Variants in ACYP2 observed in about 807,000 individuals in gnomAD.
ACYP2 encodes acylphosphatase-2.
ACYP2 carries 12 observed loss-of-function variants against 11.2 expected under a neutral mutation model. That is an observed-to-expected ratio of 1.08 (90% CI 0.69 to 1.74). The LOEUF (loss-of-function observed/expected upper bound fraction) is 1.74, where lower values mean the gene tolerates loss of function less well. ACYP2 is among the 40% of genes most tolerant of loss of function. The pLI is 0.00. For missense variants in ACYP2, 134 were observed against 101.9 expected (o/e 1.31, Z -1.35); for synonymous variants, 43 against 32.2 (o/e 1.33, Z -1.13).
At chr2:54,135,403 C>A in intron 4 of ACYP2, 50 bp from the exon 2 acceptor site, 1 of 1,578,948 alleles carries the variant, frequency 6.3e-7, no homozygotes, top group South Asian at 1.2e-5. Flanking sequence ...AACATATAAC[C>A]TTTTAAAGGA....
rs1349540673 is a variant in ACYP2 at position 54,197,928 on chromosome 2, TTTA to T, written c.404+59182_404+59184del. 7.6e-5 allele frequency among the ~76,000 whole-genome samples: 10 copies of T among 131,340 alleles called. No individual in the cohort carries two copies. The South Asian group carries it at 9.1e-4, about 12-fold the overall frequency. The allele number at this position is 131,340 out of a possible 152,430, so 86.2% of individuals were successfully genotyped here. ...TATTTTATTTTATTATTTTATTTTA[TTTA>T]TGTATGTATTATATTGTATTGTATT... On this transcript the variant is annotated intron_variant, in intron 6 of 6. Transcript: ENST00000607452.
At chr2:54,171,187 C>T (rs971742004) in intron 6 of ACYP2, among the ~76,000 whole-genome samples, 2 of 152,154 alleles carry the variant, frequency 1.3e-5, no homozygotes, top group Non-Finnish European at 2.9e-5. Flanking sequence ...CCGGAGTGCA[C>T]ATTCCCAAAG....
At chr2:54,061,383 G>A (rs1202754244) in intron 4 of ACYP2, among the ~76,000 whole-genome samples, 1 of 152,124 alleles carries the variant, frequency 6.6e-6, no homozygotes, top group African/African-American at 2.4e-5. Context: ...CTGCCCACCA[G>A]ACATCAGCCC....
At chr2:54,294,286 G>C (rs146221294) in intron 6 of ACYP2, among the ~76,000 whole-genome samples, 2 of 152,164 alleles carry the variant, frequency 1.3e-5, no homozygotes, top group African/African-American at 2.4e-5. Context: ...TGACTGACTT[G>C]AATTATTGAA....
At chr2:53,997,850 T>C (rs963988086) in intron 2 of ACYP2, among the ~76,000 whole-genome samples, 3 of 152,134 alleles carry the variant, frequency 2.0e-5, no homozygotes, top group African/African-American at 4.8e-5. Context: ...GAAAAAACAC[T>C]CCATGTGACT....
intron 6 of ACYP2, among the ~76,000 whole-genome samples, chr2:54,262,897 G>A (rs186937924): frequency 6.6e-6 from 1 of 152,204 alleles, no homozygotes; most frequent in East Asian, 1.9e-4. Flanking sequence ...AACGGTCTTT[G>A]AAGTAGGAGT....
chr2:54,259,192 C>T (rs1398219481), intron 6 of ACYP2, among the ~76,000 whole-genome samples: 3 of 152,182 alleles, frequency 2.0e-5, no homozygotes, highest in Non-Finnish European at 4.4e-5. Context: ...TGAGGAAGAT[C>T]TTTGCAGGAA....
intron 4 of ACYP2, among the ~76,000 whole-genome samples, chr2:54,125,446 A>C (rs1680433269): frequency 6.6e-6 from 1 of 152,184 alleles, no homozygotes; most frequent in Admixed American, 6.5e-5. Context: ...TCATTCAAAG[A>C]GTATTTAAAA....
intron 4 of ACYP2, among the ~76,000 whole-genome samples, chr2:54,074,901 C>G (rs1235003621): frequency 6.6e-6 from 1 of 152,100 alleles, no homozygotes; most frequent in Non-Finnish European, 1.5e-5. Context: ...ACTCAAAATC[C>G]ACTGATGTAA....
chr2:54,096,430 T>C lies in ACYP2; in HGVS notation c.278-39023T>C, dbSNP rs920920506. Among the ~76,000 whole-genome samples the C allele has an allele frequency of 4.6e-5, 7 of 151,396 alleles. No individual in the cohort carries two copies. The Middle Eastern group carries it at 0.01, about 221-fold the overall frequency. On this transcript the variant is annotated intron_variant, in intron 4 of 6. Coordinates refer to ENST00000607452, the MANE Select transcript of ACYP2 (RefSeq NM_001320586.2). ...GATGCTCCTCACTTCCCAGACGGGG[T>C]GGCGGCCTGGCAGAGGCTGTACTCT...
Position 54,138,710 on chromosome 2 carries a change from A to G in ACYP2, c.366A>G (p.Thr122=), listed in dbSNP as rs1681417780. ...AGAATACCAGCAAAGGCACCGTGAC[A>G]GGCCAAGTGCAGGGGCCAGAAGACA... Residue 122 remains threonine, a synonymous_variant, in exon 6 of 7, where the codon ACA becomes ACG. Coordinates refer to ENST00000607452, the MANE Select transcript of ACYP2 (RefSeq NM_001320586.2). 2.5e-6 allele frequency: 4 copies of G among 1,614,024 alleles called. No individual in the cohort carries two copies. The East Asian group carries it at 8.9e-5, about 36-fold the overall frequency.
chr2:53,995,416 A>G (rs1305311502), intron 2 of ACYP2, among the ~76,000 whole-genome samples: 1 of 152,030 alleles, frequency 6.6e-6, no homozygotes, highest in Non-Finnish European at 1.5e-5. Flanking sequence ...TGAAATAATT[A>G]AACTTAAAAT....
In ACYP2 at chr2:54,222,274, G is replaced by A. The variant is rs576903338; in HGVS notation, c.405-82414G>A. Among the ~76,000 whole-genome samples, 9 of 152,214 alleles carry A rather than the reference G, an allele frequency of 5.9e-5. No homozygotes were observed. The East Asian group carries it at 9.6e-4, about 16-fold the overall frequency. ...GGAGAAAAATAGAATTACAGGCCAG[G>A]CGTGGTGGCTCATGCCTGTAGTCCT... On this transcript the variant is annotated intron_variant, in intron 6 of 6. Coordinates refer to ENST00000607452, the MANE Select transcript of ACYP2 (RefSeq NM_001320586.2).
intron 4 of ACYP2, among the ~76,000 whole-genome samples, chr2:54,128,716 T>C (rs954521454): frequency 2.0e-4 from 30 of 151,850 alleles, no homozygotes; most frequent in African/African-American, 7.0e-4. Flanking sequence ...TTTTTCCTTT[T>C]CCCCCCTTTT....
intron 2 of ACYP2, among the ~76,000 whole-genome samples, chr2:54,021,840 T>G (rs1199612713): frequency 6.6e-6 from 1 of 152,168 alleles, no homozygotes; most frequent in Non-Finnish European, 1.5e-5. Context: ...AAACACATAA[T>G]CCTAAATTTA....
chr2:54,143,401 C>T (rs566039731), intron 6 of ACYP2: 1 of 152,012 alleles, frequency 6.6e-6, no homozygotes, highest in Non-Finnish European at 1.5e-5. Flanking sequence ...TTATTTAGAA[C>T]TTTTGTATAT....
At chr2:54,278,815 T>G (rs1209922535) in intron 6 of ACYP2, among the ~76,000 whole-genome samples, 1 of 152,238 alleles carries the variant, frequency 6.6e-6, no homozygotes, top group Non-Finnish European at 1.5e-5. Context: ...AAAAATAATT[T>G]TATTTTTTGA....
At chr2:53,978,315 G>A (rs1222500295) in intron 2 of ACYP2, among the ~76,000 whole-genome samples, 2 of 151,928 alleles carry the variant, frequency 1.3e-5, no homozygotes, top group African/African-American at 4.8e-5. Context: ...AAATTATTGG[G>A]AGCAAAATGG....
intron 4 of ACYP2, among the ~76,000 whole-genome samples, chr2:54,129,758 G>A (rs946616526): frequency 3.4e-5 from 5 of 149,228 alleles, no homozygotes; most frequent in African/African-American, 1.2e-4. Flanking sequence ...CCAGAACTTT[G>A]AATGCAGTAA....
Sources: allele counts gnomAD v4.1 joint callset (sites outside exome capture counted in the v4.1 genomes callset), GRCh38; gene constraint gnomAD v4.1.1; transcripts MANE v1.5; gene names NCBI Gene and HGNC (gene_info 2026-07-23, HGNC 2026-07-21).